Variants in TMEM178B observed in about 807,000 individuals in gnomAD.
The protein encoded by TMEM178B is transmembrane protein 178B.
TMEM178B carries 5 observed loss-of-function variants against 31.0 expected under a neutral mutation model. The observed-to-expected ratio is 0.16, with a 90% confidence interval of 0.08 to 0.34. The LOEUF (loss-of-function observed/expected upper bound fraction) is 0.34. TMEM178B is among the 10% of genes least tolerant of loss of function. The pLI is 1.00. For missense variants in TMEM178B, 275 were observed against 400.3 expected (o/e 0.69, Z 2.67); for synonymous variants, 164 against 164.0 (o/e 1.00, Z 0.00).
At chr7:141,336,935 A>AG in intron 2 of TMEM178B, among the ~76,000 whole-genome samples, 1 of 130,504 alleles carries the variant, frequency 7.7e-6, no homozygotes, top group Non-Finnish European at 1.6e-5. Context: ...CACCACCATC[A>AG]CCACCACCAT....
intron 1 of TMEM178B, among the ~76,000 whole-genome samples, chr7:141,140,128 C>A (rs1795747084): frequency 1.3e-5 from 2 of 152,192 alleles, no homozygotes; most frequent in African/African-American, 4.8e-5. Flanking sequence ...CGCTTGCATA[C>A]CCCCTCAGCC....
intron 1 of TMEM178B, among the ~76,000 whole-genome samples, chr7:141,132,010 T>C (rs904598411): frequency 2.6e-5 from 4 of 152,136 alleles, no homozygotes; most frequent in African/African-American, 9.7e-5. Context: ...CACGCACTCA[T>C]TTCCCCCAAC....
At chr7:141,305,368 T>A (rs752948660) in intron 2 of TMEM178B, among the ~76,000 whole-genome samples, 2 of 152,178 alleles carry the variant, frequency 1.3e-5, no homozygotes, top group Non-Finnish European at 2.9e-5. Context: ...ACCCAATGAG[T>A]TGGCACTGTT....
In TMEM178B at chr7:141,074,189, C is replaced by G; in HGVS notation, c.-122C>G. On this transcript the variant is annotated 5_prime_UTR_variant, in exon 1 of 4. Transcript: ENST00000565468. The surrounding 1 kb of genome is among the most constrained non-coding windows in gnomAD (Gnocchi z 5.1). The stretch of plus-strand genomic sequence containing the variant: ...GTAGGCGGGGGCCGAGGGGGCGCCG[C>G]GGCGCGAGTCCCTCTCCTGCCCCCT... 1 of 1,347,830 alleles carries G rather than the reference C, an allele frequency of 7.4e-7. No individual in the cohort carries two copies. The highest frequency in any genetic ancestry group is 9.7e-7 in the Non-Finnish European group (1 of 1,036,128). 83.5% of individuals were successfully genotyped at this position (1,347,830 alleles called of 1,614,324 possible).
rs150342585 is a variant in TMEM178B at position 141,097,125 on chromosome 7, A to G, written c.382+22433A>G. 5.3e-4 allele frequency among the ~76,000 whole-genome samples: 81 copies of G among 152,082 alleles called. 2 individuals are homozygous for G. In the East Asian group the frequency reaches 0.013, roughly 25 times the overall value. Reference sequence around the variant, plus strand: ...AAAAATTCTTAGCGAAGTTACAGAGATTTTAAAGTTTATCTGTTACAGTAG... The same window carrying G: ...AAAAATTCTTAGCGAAGTTACAGAGGTTTTAAAGTTTATCTGTTACAGTAG... On this transcript the variant is annotated intron_variant, in intron 1 of 3. Coordinates refer to ENST00000565468, the MANE Select transcript of TMEM178B (RefSeq NM_001195278.2).
At chr7:141,302,664 A>G (rs217032) in intron 2 of TMEM178B, among the ~76,000 whole-genome samples, 15,552 of 152,236 alleles carry the variant, frequency 0.1, 1,196 homozygotes, top group African/African-American at 0.21. Flanking sequence ...GCTGTTATGT[A>G]TATTTTACCA....
chr7:141,470,526 T>C lies in TMEM178B; in HGVS notation c.635-10T>C, dbSNP rs1334709299. The C allele has an allele frequency of 6.7e-7, 1 of 1,503,704 alleles. No individual in the cohort carries two copies. The highest frequency in any genetic ancestry group is 8.9e-7 in the Non-Finnish European group (1 of 1,129,238). 93.1% of individuals were successfully genotyped at this position (1,503,704 alleles called of 1,614,324 possible). ...TTTCCCCATCCTGTGTCTTTTCCCT[T>C]GTCCTCCAGGAACCTTCTGCATCAT... is the stretch of plus-strand genomic sequence containing the variant. On this transcript the variant is annotated splice_polypyrimidine_tract_variant and intron_variant, in intron 3 of 3. Transcript: ENST00000565468.
the TMEM178B span, among the ~76,000 whole-genome samples, chr7:141,506,313 T>C: frequency 6.6e-6 from 1 of 152,240 alleles, no homozygotes; most frequent in Admixed American, 6.5e-5. Flanking sequence ...ATTATTTTGT[T>C]TTCACACTGC....
intron 2 of TMEM178B, among the ~76,000 whole-genome samples, chr7:141,216,448 T>TGTGTGTGCGC (rs1415593747): frequency 1.3e-4 from 17 of 135,920 alleles, no homozygotes; most frequent in African/African-American, 4.9e-4. Flanking sequence ...TGTGTGTGTG[T>TGTGTGTGCGC]GCGCGCGCGC....
intron 2 of TMEM178B, among the ~76,000 whole-genome samples, chr7:141,325,086 G>T (rs908086138): frequency 6.6e-6 from 1 of 152,224 alleles, no homozygotes; most frequent in Admixed American, 6.5e-5. Context: ...AAGGGAAGGA[G>T]GCCAGGAAAA....
chr7:141,366,572 G>A (rs186203304), intron 2 of TMEM178B, among the ~76,000 whole-genome samples: 19 of 152,194 alleles, frequency 1.2e-4, no homozygotes, highest in African/African-American at 4.3e-4. Context: ...TTGGCATTTC[G>A]ACCTCTTTGT....
intron 2 of TMEM178B, among the ~76,000 whole-genome samples, chr7:141,331,353 G>T (rs7811326): frequency 6.6e-6 from 1 of 152,120 alleles, no homozygotes; most frequent in African/African-American, 2.4e-5. Context: ...AAAGTAGATG[G>T]AAAATCTGTG....
intron 1 of TMEM178B, among the ~76,000 whole-genome samples, chr7:141,211,287 G>A (rs370710828): frequency 6.6e-6 from 1 of 152,204 alleles, no homozygotes; most frequent in Non-Finnish European, 1.5e-5. Flanking sequence ...GTGCCTCTTG[G>A]ACAGCGTCAG....
intron 2 of TMEM178B, among the ~76,000 whole-genome samples, chr7:141,312,732 G>A (rs775572782): frequency 3.5e-4 from 54 of 152,232 alleles, no homozygotes; most frequent in Non-Finnish European, 6.9e-4. Flanking sequence ...CAACAACTAA[G>A]CAGTAGAATT....
intron 2 of TMEM178B, among the ~76,000 whole-genome samples, chr7:141,427,313 T>C (rs1334883249): frequency 6.6e-6 from 1 of 152,138 alleles, no homozygotes; most frequent in Admixed American, 6.5e-5. Context: ...ATTCAAAATA[T>C]ACTGCAAAAC....
At chr7:141,089,121 G>A (rs1794836016) in intron 1 of TMEM178B, among the ~76,000 whole-genome samples, 1 of 152,218 alleles carries the variant, frequency 6.6e-6, no homozygotes, top group Non-Finnish European at 1.5e-5. Flanking sequence ...GAAACATATG[G>A]GTAAGCAAAT....
At chr7:141,281,671 G>C (rs1026829057) in intron 2 of TMEM178B, among the ~76,000 whole-genome samples, 1 of 152,164 alleles carries the variant, frequency 6.6e-6, no homozygotes, top group Non-Finnish European at 1.5e-5. Context: ...TGGGGAGTCA[G>C]CTATTTCGTA....
chr7:141,365,183 G>C (rs1006521148), intron 2 of TMEM178B, among the ~76,000 whole-genome samples: 1 of 152,222 alleles, frequency 6.6e-6, no homozygotes, highest in Non-Finnish European at 1.5e-5. Context: ...CTTTGAGAAT[G>C]CTCCCTCTTT....
rs1054649458 is a variant in TMEM178B, at chr7:141,437,556, G to A, written c.497-52G>A. The A allele has an allele frequency of 5.2e-6, 8 of 1,530,316 alleles. No individual in the cohort carries two copies. In the African/African-American group the frequency reaches 5.5e-5, roughly 10 times the overall value. 94.8% of individuals were successfully genotyped at this position (1,530,316 alleles called of 1,614,324 possible). A position where few individuals can be genotyped will look rare whatever the true frequency, so the allele number is the denominator to read the frequency against. The stretch of plus-strand genomic sequence containing the variant: ...CACCCCAGGGCTGGGGTATACCCTG[G>A]CCCTCAGTCCCAGGCTCTGCTGCTG... On this transcript the variant is annotated intron_variant, in intron 2 of 3. Coordinates refer to ENST00000565468, the MANE Select transcript of TMEM178B (RefSeq NM_001195278.2).
Sources: allele counts gnomAD v4.1 joint callset (sites outside exome capture counted in the v4.1 genomes callset), GRCh38; gene constraint gnomAD v4.1.1; non-coding constraint Gnocchi (gnomAD v3.1); transcripts MANE v1.5; gene names NCBI Gene and HGNC (gene_info 2026-07-23, HGNC 2026-07-21).